Variants in RASA3 observed in about 807,000 individuals in gnomAD.
RASA3 encodes ras GTPase-activating protein 3.
A neutral mutation model predicts 110.0 loss-of-function variants in RASA3; 73 were observed. The observed-to-expected ratio is 0.66, with a 90% CI of 0.55 to 0.81. The LOEUF (loss-of-function observed/expected upper bound fraction) is 0.81, where lower values mean the gene tolerates loss of function less well. Ranked by LOEUF, RASA3 falls within the 30% of genes least tolerant of loss-of-function variation. RASA3 has a pLI of 0.00. For missense variants in RASA3, 976 were observed against 1,113.2 expected, an observed-to-expected ratio of 0.88 and a Z score of 1.75; for synonymous variants, 500 against 451.4, an observed-to-expected ratio of 1.11 and a Z score of -1.37.
intron 1 of RASA3, among the ~76,000 whole-genome samples, chr13:114,122,368 C>T (rs1478206939): frequency 2.0e-5 from 3 of 152,236 alleles, no homozygotes; most frequent in Non-Finnish European, 4.4e-5. Flanking sequence ...GTCCCCTGGG[C>T]TCTGCATGCA....
At chr13:114,019,364 A>G (rs925577680) in intron 9 of RASA3, among the ~76,000 whole-genome samples, 13 of 152,222 alleles carry the variant, frequency 8.5e-5, no homozygotes, top group Non-Finnish European at 1.0e-4. Flanking sequence ...GCACCTGGTC[A>G]TTGTAAGAGA....
intron 1 of RASA3, among the ~76,000 whole-genome samples, chr13:114,100,179 G>A (rs773559277): frequency 7.9e-5 from 12 of 151,606 alleles, no homozygotes; most frequent in South Asian, 2.1e-4. Flanking sequence ...GGAGGAGCTC[G>A]CAGGAGACGC....
intron 7 of RASA3, among the ~76,000 whole-genome samples, chr13:114,025,519 G>C (rs1228200785): frequency 6.6e-6 from 1 of 152,220 alleles, no homozygotes; most frequent in Non-Finnish European, 1.5e-5. Flanking sequence ...CTGCAGGGCA[G>C]GTCGGGAGCT....
intron 3 of RASA3, among the ~76,000 whole-genome samples, chr13:114,043,566 C>T (rs1459906368): frequency 2.0e-5 from 3 of 152,234 alleles, no homozygotes; most frequent in East Asian, 1.9e-4. Context: ...ACCTCATCGG[C>T]TCAGCTCTTG....
intron 8 of RASA3, among the ~76,000 whole-genome samples, chr13:114,023,653 G>A (rs896529368): frequency 3.3e-5 from 5 of 152,350 alleles, no homozygotes; most frequent in African/African-American, 9.6e-5. Flanking sequence ...TAAATCCTGG[G>A]CCTGAGATCG....
chr13:114,024,930 G>A (rs1159685923), intron 7 of RASA3, among the ~76,000 whole-genome samples: 6 of 151,470 alleles, frequency 4.0e-5, no homozygotes, highest in Admixed American at 3.9e-4. Context: ...CAGAAACGGA[G>A]TGAAGGCGTG....
intron 2 of RASA3, among the ~76,000 whole-genome samples, chr13:114,063,073 G>C (rs978437679): frequency 6.6e-6 from 1 of 152,202 alleles, no homozygotes; most frequent in Non-Finnish European, 1.5e-5. Context: ...TTCTAAAATT[G>C]GCTGTGGCAA....
intron 1 of RASA3, among the ~76,000 whole-genome samples, chr13:114,081,696 A>G (rs1182492446): frequency 6.6e-6 from 1 of 152,198 alleles, no homozygotes; most frequent in Non-Finnish European, 1.5e-5. Flanking sequence ...GACTGAGGCA[A>G]ATCCTATGGG....
chr13:114,041,451 G>A (rs1190114555), intron 3 of RASA3, among the ~76,000 whole-genome samples: 5 of 152,260 alleles, frequency 3.3e-5, no homozygotes, highest in East Asian at 3.8e-4. Context: ...CAGAGGCTTC[G>A]CTGTGAAGGC....
chr13:114,069,660 G>A (rs1335964189), intron 2 of RASA3, among the ~76,000 whole-genome samples: 2 of 71,260 alleles, frequency 2.8e-5, no homozygotes, highest in Admixed American at 1.3e-4. Context: ...TCGGGGAGCC[G>A]GGAAACTGAG....
rs2052816216 is a variant in RASA3, at chr13:113,978,106, G to A, written c.*1241C>T. ...ACACCTGCCGTCTGCATCCCGGGAG[G>A]ACGCCCTTTGGGAAAGGCCTCCTCG... On this transcript the variant is annotated 3_prime_UTR_variant, in exon 24 of 24. Transcript: ENST00000334062. The A allele has an allele frequency of 6.6e-6, 1 of 152,198 alleles. No homozygotes were observed. The highest frequency in any genetic ancestry group is 2.1e-4 in the South Asian group (1 of 4,822). 9.4% of individuals were successfully genotyped at this position (152,198 alleles called of 1,614,324 possible).
At chr13:114,032,515 G>A (rs369861194) in intron 4 of RASA3, among the ~76,000 whole-genome samples, 5 of 152,108 alleles carry the variant, frequency 3.3e-5, no homozygotes, top group African/African-American at 7.2e-5. Flanking sequence ...TGCCTGGGTC[G>A]TGGGCGCAGC....
At chr13:113,991,877 TCC>T (rs1417805229) in intron 22 of RASA3, among the ~76,000 whole-genome samples, 1 of 152,118 alleles carries the variant, frequency 6.6e-6, no homozygotes. Flanking sequence ...TGCTCACGTG[TCC>T]CCACACACAC....
rs975795273 is a variant in RASA3, at chr13:114,057,981, G to A, written c.174-5826C>T. ...TGAGGCCCTGGGAGGTCGGAGTCCCGGAGGTGGGTGGGGGTGGTGAGTTCC... is the reference window on the plus strand; with the variant it reads ...TGAGGCCCTGGGAGGTCGGAGTCCCAGAGGTGGGTGGGGGTGGTGAGTTCC... On this transcript the variant is annotated intron_variant, in intron 2 of 23. Transcript: ENST00000334062. This position sits in a 1 kb window ranked among gnomAD's most constrained non-coding sequence, Gnocchi z 5.0. 2.6e-5 allele frequency among the ~76,000 whole-genome samples: 4 copies of A among 152,138 alleles called. No homozygotes were observed. Among genetic ancestry groups the A allele is most frequent in the African/African-American group, 9.7e-5 (4 of 41,426 alleles).
chr13:114,083,370 C>T (rs577819255), intron 1 of RASA3, among the ~76,000 whole-genome samples: 150 of 152,346 alleles, frequency 9.8e-4, no homozygotes, highest in African/African-American at 3.5e-3. Flanking sequence ...CATTCCTGGC[C>T]GATTTCAAGC....
chr13:114,031,450 T>C (rs1481490791), intron 4 of RASA3, among the ~76,000 whole-genome samples: 1 of 150,860 alleles, frequency 6.6e-6, no homozygotes, highest in Admixed American at 6.6e-5. Flanking sequence ...TGTGTCTACC[T>C]GTCTGTAGTG....
intron 1 of RASA3, among the ~76,000 whole-genome samples, chr13:114,131,032 A>G (rs1047476246): frequency 1.3e-5 from 2 of 152,238 alleles, no homozygotes; most frequent in Non-Finnish European, 2.9e-5. Context: ...AGCGGATTTA[A>G]ACCACATTAA....
intron 6 of RASA3, 54 bp downstream of exon 6, chr13:114,027,793 T>C (rs2054054655): frequency 6.4e-7 from 1 of 1,552,110 alleles, no homozygotes; most frequent in Non-Finnish European, 8.9e-7. Context: ...ATTTCAGAGC[T>C]GGACCCTAGC....
Position 114,073,616 on chromosome 13 carries a change from C to T in RASA3, c.173+104G>A, listed in dbSNP as rs1032530532. ...GGGATGGTGACGTACACGCTCGGGA[C>T]GTTCTCCACACATGGGAAAATGGGA... On this transcript the variant is annotated intron_variant, in intron 2 of 23. Coordinates refer to ENST00000334062, the MANE Select transcript of RASA3 (RefSeq NM_007368.4). 189 of 947,328 alleles carry T rather than the reference C, an allele frequency of 2.0e-4. 1 individual carries two copies. Among genetic ancestry groups the T allele is most frequent in the Middle Eastern group, 8.5e-4 (4 of 4,716 alleles). The allele number at this position is 947,328 out of a possible 1,614,324, so 58.7% of individuals were successfully genotyped here. A position where few individuals can be genotyped will look rare whatever the true frequency, so the allele number is the denominator to read the frequency against.
Sources: allele counts gnomAD v4.1 joint callset (sites outside exome capture counted in the v4.1 genomes callset), GRCh38; gene constraint gnomAD v4.1.1; non-coding constraint Gnocchi (gnomAD v3.1); transcripts MANE v1.5; gene names NCBI Gene and HGNC (gene_info 2026-07-23, HGNC 2026-07-21).